MMS19: variants seen among roughly 807,000 people sequenced by gnomAD.
MMS19 encodes MMS19 cytosolic iron-sulfur assembly component.
MMS19 carries 77 observed loss-of-function variants against 129.8 expected under a neutral mutation model. The ratio of observed to expected loss-of-function variants is 0.59; its 90% CI spans 0.49 to 0.72. The LOEUF is 0.72. Among genes scored for constraint, MMS19 ranks in the 30% least tolerant of loss-of-function variants. The pLI, the probability that MMS19 is intolerant of heterozygous loss-of-function variation, is 0.00. For synonymous variants in MMS19, 491 were observed against 502.8 expected, an observed-to-expected ratio of 0.98 and a Z score of 0.31; for missense variants, 1,168 against 1,266.3, an observed-to-expected ratio of 0.92 and a Z score of 1.18.
chr10:97,488,972 T>C (rs984893997), intron 1 of MMS19, among the ~76,000 whole-genome samples: 3 of 152,170 alleles, frequency 2.0e-5, no homozygotes, highest in African/African-American at 4.8e-5. Flanking sequence ...TATTTTTATT[T>C]TTTGAGACAG....
intron 2 of MMS19, 82 bp downstream of exon 2, chr10:97,484,021 G>C (rs760120337): frequency 8.0e-6 from 7 of 878,128 alleles, no homozygotes; most frequent in Non-Finnish European, 1.1e-5. Flanking sequence ...TCAGGCTCCA[G>C]GAAAGCAGCA....
chr10:97,498,495 G>A (rs945077279), upstream of MMS19: 45 of 1,467,458 alleles, frequency 3.1e-5, no homozygotes, highest in African/African-American at 9.9e-5. Context: ...GCGGGGCGCC[G>A]GGGTCACGTG....
chr10:97,498,528 G>C (rs374834950), upstream of MMS19: 22 of 1,175,930 alleles, frequency 1.9e-5, no homozygotes, highest in South Asian at 1.6e-4. Context: ...TGCCTAGGCA[G>C]TTCCAGGGAG....
chr10:97,488,188 G>A (rs1268801054), intron 1 of MMS19, among the ~76,000 whole-genome samples: 1 of 152,018 alleles, frequency 6.6e-6, no homozygotes, highest in Non-Finnish European at 1.5e-5. Context: ...GTACGAAAAG[G>A]TGCTCAACCA....
Position 97,491,912 on chromosome 10 carries a change from G to A in MMS19, c.112+6361C>T, listed in dbSNP as rs536071178. 2.0e-5 allele frequency among the ~76,000 whole-genome samples: 3 copies of A among 151,984 alleles called. No homozygotes were observed. The East Asian group carries it at 5.9e-4, about 30-fold the overall frequency. ...TCCTAGTACTCTGGGAGGCCGAGGT[G>A]GGTGGATCACCTCAGGTCAGGAGTT... On this transcript the variant is annotated intron_variant, in intron 1 of 30. Transcript: ENST00000438925.
At chr10:97,470,321 C>T in intron 9 of MMS19, 118 bp from the exon 10 acceptor site, 1 of 733,112 alleles carries the variant, frequency 1.4e-6, no homozygotes, top group African/African-American at 1.7e-5. Flanking sequence ...GAGCTGTACT[C>T]AAGTCAGGAG....
At chr10:97,471,167 T>A (rs1174664637) in intron 8 of MMS19, among the ~76,000 whole-genome samples, 3 of 152,246 alleles carry the variant, frequency 2.0e-5, no homozygotes, top group Non-Finnish European at 4.4e-5. Flanking sequence ...TGCTAGTATA[T>A]ACTGTTTCCA....
intron 18 of MMS19, 95 bp downstream of exon 18, chr10:97,465,710 G>A (rs2033323424): frequency 8.2e-7 from 1 of 1,212,886 alleles, no homozygotes; most frequent in Non-Finnish European, 1.1e-6. Context: ...AGTTGATTCT[G>A]TTACTCTTAT....
rs766985390 is a variant in MMS19 at position 97,462,594 on chromosome 10, G to A, written c.2001C>T (p.His667=). 6.2e-7 allele frequency: 1 copy of A among 1,613,360 alleles called. No homozygotes were observed. Among genetic ancestry groups the A allele is most frequent in the Non-Finnish European group, 8.5e-7 (1 of 1,179,336 alleles). The change falls in exon 20 of 31, where the codon CAC becomes CAT. Residue 667 remains histidine (H), a synonymous_variant. Coordinates refer to ENST00000438925, the MANE Select transcript of MMS19 (RefSeq NM_022362.5). ...MVSVIGTATT[H]LSPELAAQSV... The stretch of plus-strand genomic sequence containing the variant: ...ATGATTATACTTACTCAGGGCTCAG[G>A]TGGGTTGTAGCAGTGCCAATGACAG...
chr10:97,482,507 G>T (rs967310202), intron 2 of MMS19, among the ~76,000 whole-genome samples: 46 of 152,184 alleles, frequency 3.0e-4, no homozygotes, highest in African/African-American at 1.1e-3. Context: ...AAGTAGATTA[G>T]TGATTGCTGG....
chr10:97,465,043 CT>C (rs1258985225), intron 18 of MMS19, among the ~76,000 whole-genome samples: 3 of 151,520 alleles, frequency 2.0e-5, no homozygotes, highest in Non-Finnish European at 4.4e-5. Context: ...GAGTTTCACC[CT>C]GTTTGCCCAG....
At chr10:97,494,848 AT>A (rs2039506838) in intron 1 of MMS19, among the ~76,000 whole-genome samples, 1 of 152,290 alleles carries the variant, frequency 6.6e-6, no homozygotes, top group South Asian at 2.1e-4. Flanking sequence ...AATTCCACAG[AT>A]TCTTCCTTCA....
intron 23 of MMS19, 90 bp from the exon 24 acceptor site, chr10:97,461,097 G>A: frequency 1.9e-6 from 2 of 1,069,710 alleles, no homozygotes; most frequent in Non-Finnish European, 1.3e-6. Context: ...AGAGCTCCCT[G>A]AGAAGCTGTT....
At chr10:97,464,562 C>T (rs964056002) in intron 18 of MMS19, among the ~76,000 whole-genome samples, 1 of 152,146 alleles carries the variant, frequency 6.6e-6, no homozygotes, top group Non-Finnish European at 1.5e-5. Flanking sequence ...CAGTGAGGGC[C>T]TGAGATTCTG....
At chr10:97,486,489 G>T (rs2037865727) in intron 1 of MMS19, among the ~76,000 whole-genome samples, 1 of 152,146 alleles carries the variant, frequency 6.6e-6, no homozygotes. Flanking sequence ...CCAAAATCCT[G>T]CCACTTGGGA....
upstream of MMS19, chr10:97,498,550 GA>G: frequency 2.3e-6 from 2 of 870,972 alleles, no homozygotes; most frequent in Non-Finnish European, 3.3e-6. Context: ...GGCGGGGCCT[GA>G]AATGGGGCGG....
intron 1 of MMS19, among the ~76,000 whole-genome samples, chr10:97,496,225 G>A (rs29001256): frequency 1.2e-4 from 18 of 152,274 alleles, no homozygotes; most frequent in Middle Eastern, 3.4e-3. Flanking sequence ...AAAAACGTTT[G>A]TAAGAATTTA....
At chr10:97,494,929 G>A (rs1197926343) in intron 1 of MMS19, among the ~76,000 whole-genome samples, 2 of 152,192 alleles carry the variant, frequency 1.3e-5, no homozygotes, top group East Asian at 3.8e-4. Context: ...AGGAGATTCT[G>A]GTGGTACAAC....
At chr10:97,471,505 C>CTAT (rs888896215) in intron 8 of MMS19, among the ~76,000 whole-genome samples, 6 of 151,994 alleles carry the variant, frequency 3.9e-5, no homozygotes, top group Middle Eastern at 3.4e-3. Flanking sequence ...AAGGGATTTA[C>CTAT]TATTATTATT....
Sources: allele counts gnomAD v4.1 joint callset (sites outside exome capture counted in the v4.1 genomes callset), GRCh38; gene constraint gnomAD v4.1.1; transcripts MANE v1.5; gene names NCBI Gene and HGNC (gene_info 2026-07-23, HGNC 2026-07-21).